TENM2: variants seen among roughly 807,000 people sequenced by gnomAD.
TENM2 encodes teneurin transmembrane protein 2, also known as teneurin-2.
A neutral mutation model predicts 245.2 loss-of-function variants in TENM2; 52 were observed. The observed-to-expected ratio is 0.21, with a 90% confidence interval of 0.17 to 0.27. TENM2 has a LOEUF of 0.27. Ranked by LOEUF, TENM2 falls within the 10% of genes least tolerant of loss-of-function variation. TENM2 has a pLI of 1.00. For synonymous variants in TENM2, 1,363 were observed against 1,438.9 expected (o/e 0.95, Z 1.19); for missense variants, 3,046 against 3,666.8 (o/e 0.83, Z 4.37).
intron 14 of TENM2, among the ~76,000 whole-genome samples, chr5:168,194,550 G>GA (rs934175437): frequency 6.6e-5 from 10 of 152,040 alleles, no homozygotes; most frequent in East Asian, 3.9e-4. Context: ...ATTTCTAGCA[G>GA]AAAAAAAGTG....
chr5:167,851,421 G>C (rs1038314276), intron 2 of TENM2, among the ~76,000 whole-genome samples: 2 of 152,148 alleles, frequency 1.3e-5, no homozygotes, highest in Non-Finnish European at 2.9e-5. Flanking sequence ...TTTTAAGCAA[G>C]ATTTTTCACG....
chr5:167,136,624 T>C, the TENM2 span, among the ~76,000 whole-genome samples: 1 of 152,192 alleles, frequency 6.6e-6, no homozygotes, highest in Non-Finnish European at 1.5e-5. Flanking sequence ...ATATTGCTTT[T>C]CTCACTGTAA....
chr5:167,299,745 G>A (rs868098377), intron 1 of TENM2, among the ~76,000 whole-genome samples: 1 of 152,128 alleles, frequency 6.6e-6, no homozygotes, highest in Non-Finnish European at 1.5e-5. Flanking sequence ...TGAACGTCAG[G>A]TGGATCAGAG....
At chr5:167,496,385 G>C (rs1014741752) in intron 2 of TENM2, among the ~76,000 whole-genome samples, 1 of 152,152 alleles carries the variant, frequency 6.6e-6, no homozygotes, top group East Asian at 1.9e-4. Context: ...GATGGATTTT[G>C]TTAAGAGAAA....
At chr5:167,757,882 A>C (rs1762411281) in intron 2 of TENM2, among the ~76,000 whole-genome samples, 1 of 152,184 alleles carries the variant, frequency 6.6e-6, no homozygotes, top group African/African-American at 2.4e-5. Flanking sequence ...AAGGGGTTTC[A>C]CATTAGAAGA....
chr5:168,100,802 G>A (rs923094281), intron 9 of TENM2, among the ~76,000 whole-genome samples: 8 of 151,914 alleles, frequency 5.3e-5, no homozygotes, highest in African/African-American at 1.9e-4. Context: ...GTTGATGGGT[G>A]CAGCAAACTA....
intron 27 of TENM2, among the ~76,000 whole-genome samples, chr5:168,253,037 G>A (rs1332275915): frequency 6.6e-6 from 1 of 151,788 alleles, no homozygotes; most frequent in African/African-American, 2.4e-5. Flanking sequence ...CATGATCTTG[G>A]CTCACTGCAA....
At chr5:167,829,385 A>G (rs769127282) in intron 2 of TENM2, among the ~76,000 whole-genome samples, 3 of 152,212 alleles carry the variant, frequency 2.0e-5, no homozygotes, top group Admixed American at 6.5e-5. Flanking sequence ...AGGAGACATG[A>G]ACCACACACT....
intron 2 of TENM2, among the ~76,000 whole-genome samples, chr5:167,490,235 C>T (rs953883166): frequency 2.0e-5 from 3 of 151,876 alleles, no homozygotes; most frequent in Non-Finnish European, 4.4e-5. Context: ...CAACTTGATC[C>T]ACACAATGCA....
rs184336528 is a variant in TENM2 at position 167,928,350 on chromosome 5, A to G, written c.713-24238A>G. ...GGATGACAATGAGTTTAATTTGATA[A>G]CATGAAGCTTTAGCAAATTTGAAGA... On this transcript the variant is annotated intron_variant, in intron 3 of 28. Transcript: ENST00000518659. Among the ~76,000 whole-genome samples, 6 of 152,312 alleles carry G rather than the reference A, an allele frequency of 3.9e-5. No homozygotes were observed. The East Asian group carries it at 1.2e-3, about 29-fold the overall frequency.
the TENM2 span, among the ~76,000 whole-genome samples, chr5:167,160,067 T>C: frequency 6.6e-6 from 1 of 152,232 alleles, no homozygotes; most frequent in East Asian, 1.9e-4. Flanking sequence ...GAGTTCTATT[T>C]TGGCATCTTT....
At chr5:167,596,372 T>TC (rs1007856252) in intron 2 of TENM2, among the ~76,000 whole-genome samples, 2 of 151,976 alleles carry the variant, frequency 1.3e-5, no homozygotes, top group East Asian at 1.9e-4. Flanking sequence ...TACTGGACTG[T>TC]CCCCCCCAAG....
chr5:168,090,001 A>G (rs564274297), intron 7 of TENM2, among the ~76,000 whole-genome samples: 1 of 152,298 alleles, frequency 6.6e-6, no homozygotes, highest in East Asian at 1.9e-4. Context: ...CATAGCCCTC[A>G]TCATAGCCCT....
intron 4 of TENM2, among the ~76,000 whole-genome samples, chr5:167,955,458 G>A (rs1245517094): frequency 6.6e-6 from 1 of 152,112 alleles, no homozygotes; most frequent in Admixed American, 6.5e-5. Context: ...CTGTGGGGAA[G>A]CTCTTTAGTT....
chr5:167,478,990 A>ATATATGTGTGTGTG (rs1554163338), intron 2 of TENM2, among the ~76,000 whole-genome samples: 1 of 151,252 alleles, frequency 6.6e-6, no homozygotes, highest in Non-Finnish European at 1.5e-5. Context: ...CTTTATATAT[A>ATATATGTGTGTGTG]TGTGTGTGTG....
the TENM2 span, among the ~76,000 whole-genome samples, chr5:167,208,717 C>A: frequency 7.2e-5 from 11 of 152,194 alleles, no homozygotes; most frequent in Admixed American, 7.2e-4. Context: ...GTCATTTAAG[C>A]TAAATTGATG....
intron 2 of TENM2, among the ~76,000 whole-genome samples, chr5:167,811,972 A>G (rs776882278): frequency 6.6e-6 from 1 of 152,190 alleles, no homozygotes; most frequent in Non-Finnish European, 1.5e-5. Context: ...GAGCACATAC[A>G]CAAGGACGTC....
the TENM2 span, among the ~76,000 whole-genome samples, chr5:167,048,558 A>G: frequency 3.3e-5 from 5 of 152,312 alleles, no homozygotes; most frequent in Non-Finnish European, 7.4e-5. Context: ...TAAATTCAGA[A>G]TCTGAACTGG....
Position 167,762,824 on chromosome 5 carries a change from T to C in TENM2, c.503-113162T>C, listed in dbSNP as rs946765367. Reference sequence around the variant, plus strand: ...AAGGCAATCAGGATTCCTCCTGCAGTTGTGGCTGGAAGAATTTCTACAAGT... The same window carrying C: ...AAGGCAATCAGGATTCCTCCTGCAGCTGTGGCTGGAAGAATTTCTACAAGT... On this transcript the variant is annotated intron_variant, in intron 2 of 28. Coordinates refer to ENST00000518659, the Ensembl canonical transcript of TENM2. Among the ~76,000 whole-genome samples, 8 of 152,324 alleles carry C rather than the reference T, an allele frequency of 5.3e-5. No individual in the cohort carries two copies. The East Asian group carries it at 7.7e-4, about 15-fold the overall frequency.
Sources: allele counts gnomAD v4.1 joint callset (sites outside exome capture counted in the v4.1 genomes callset), GRCh38; gene constraint gnomAD v4.1.1; transcripts MANE v1.5; gene names NCBI Gene and HGNC (gene_info 2026-07-23, HGNC 2026-07-21).